The following PLCE1 variants were observed in gnomAD, a reference collection of about 807,000 sequenced individuals.
PLCE1 encodes the protein 1-phosphatidylinositol 4,5-bisphosphate phosphodiesterase epsilon-1.
Under a neutral mutation model 242.8 loss-of-function variants are expected in PLCE1, and 119 were observed. The ratio of observed to expected loss-of-function variants is 0.49; its 90% CI spans 0.42 to 0.57. The LOEUF is 0.57. Ranked by LOEUF, PLCE1 falls within the 20% of genes least tolerant of loss-of-function variation. The pLI, the probability that PLCE1 is intolerant of heterozygous loss-of-function variation, is 0.00. For missense variants in PLCE1, 2,441 were observed against 2,788.8 expected (o/e 0.88, Z 2.81); for synonymous variants, 945 against 1,017.4 (o/e 0.93, Z 1.35).
At chr10:94,089,521 CT>C in intron 2 of PLCE1, 1 of 557,264 alleles carries the variant, frequency 1.8e-6, no homozygotes, top group Non-Finnish European at 2.9e-6. Context: ...AGAGAAGTTT[CT>C]TTCCTTGTTA....
chr10:94,288,443 T>C (rs952550712), intron 22 of PLCE1, among the ~76,000 whole-genome samples: 7 of 152,174 alleles, frequency 4.6e-5, no homozygotes, highest in Admixed American at 2.0e-4. Flanking sequence ...CACTCAAAAG[T>C]GGAGTTGACT....
At chr10:94,235,288 A>G (rs550019012) in intron 6 of PLCE1, among the ~76,000 whole-genome samples, 2 of 152,230 alleles carry the variant, frequency 1.3e-5, no homozygotes, top group African/African-American at 2.4e-5. Context: ...AATGGAGGAG[A>G]AAGCTTAAAG....
chr10:94,088,892 C>T (rs923834187), intron 2 of PLCE1: 12 of 454,584 alleles, frequency 2.6e-5, no homozygotes, highest in South Asian at 1.4e-4. Flanking sequence ...ATTACTAAAA[C>T]GCAAGGACAT....
chr10:94,030,894 A>ATG lies in PLCE1; in HGVS notation c.-153_-152insTG. 1 of 735,314 alleles carries ATG rather than the reference A, an allele frequency of 1.4e-6. No homozygotes were observed. The highest frequency in any genetic ancestry group is 2.4e-6 in the Non-Finnish European group (1 of 424,102). 45.5% of individuals were successfully genotyped at this position (735,314 alleles called of 1,614,324 possible). On this transcript the variant is annotated 5_prime_UTR_variant, in exon 2 of 33. It adds an upstream start codon to the 5' untranslated region. Transcript: ENST00000371380. ...AACTAAGAAAATTTATTTGCCTCTT[A>ATG]ATGCTCCTGAATGAAAGGAATTATC...
At chr10:94,025,059 T>G (rs1463275479) in intron 1 of PLCE1, among the ~76,000 whole-genome samples, 1 of 151,882 alleles carries the variant, frequency 6.6e-6, no homozygotes, top group Non-Finnish European at 1.5e-5. Context: ...GTTTCTATCT[T>G]GTTTTTTTTT....
chr10:94,230,331 A>G (rs2050099966), intron 5 of PLCE1, among the ~76,000 whole-genome samples: 1 of 152,272 alleles, frequency 6.6e-6, no homozygotes, highest in South Asian at 2.1e-4. Flanking sequence ...ATAAAAAACA[A>G]AATTTTTTTT....
chr10:94,155,191 TAAC>T (rs1441853932), intron 3 of PLCE1, among the ~76,000 whole-genome samples: 5 of 152,226 alleles, frequency 3.3e-5, no homozygotes, highest in Admixed American at 1.3e-4. Flanking sequence ...CAAATGCTCG[TAAC>T]AACATTAGTC....
At position 94,212,154 on chromosome 10, in the gene PLCE1, T is replaced by G. The variant is rs56329112; in HGVS notation, c.1810-15152T>G. Among the ~76,000 whole-genome samples, 136 of 152,324 alleles carry G rather than the reference T, an allele frequency of 8.9e-4. 1 individual carries two copies. Among genetic ancestry groups the G allele is most frequent in the African/African-American group, 3.2e-3 (135 of 41,572 alleles). ...GGAGTGCAAGTGCAGTGGCGTGATCTCGGCTCACTGCAACCTCTGCCTCCC... is the reference window on the plus strand; with the variant it reads ...GGAGTGCAAGTGCAGTGGCGTGATCGCGGCTCACTGCAACCTCTGCCTCCC... On this transcript the variant is annotated intron_variant, in intron 4 of 32. Transcript: ENST00000371380.
intron 1 of PLCE1, among the ~76,000 whole-genome samples, 145 bp downstream of exon 1, chr10:93,994,403 A>C (rs1480208523): frequency 6.6e-6 from 1 of 152,062 alleles, no homozygotes; most frequent in Non-Finnish European, 1.5e-5. Flanking sequence ...CTCCCGGGGG[A>C]CCCGAGGCGG....
intron 7 of PLCE1, among the ~76,000 whole-genome samples, chr10:94,240,210 TAAACTC>T (rs1449194722): frequency 2.0e-5 from 3 of 152,218 alleles, no homozygotes; most frequent in African/African-American, 7.2e-5. Context: ...GATACTAACT[TAAACTC>T]AAGCCAGACA....
intron 2 of PLCE1, among the ~76,000 whole-genome samples, chr10:94,050,846 C>T (rs1020779493): frequency 1.3e-5 from 2 of 152,072 alleles, no homozygotes; most frequent in African/African-American, 4.8e-5. Context: ...TTGTTCAATT[C>T]AAAGAGATGA....
At chr10:94,183,575 T>C (rs935177006) in intron 4 of PLCE1, among the ~76,000 whole-genome samples, 3 of 152,192 alleles carry the variant, frequency 2.0e-5, no homozygotes, top group Admixed American at 6.5e-5. Context: ...CAGAGTTTGA[T>C]TGATTTACTC....
At chr10:94,132,793 A>C (rs2046643892) in intron 3 of PLCE1, among the ~76,000 whole-genome samples, 1 of 152,122 alleles carries the variant, frequency 6.6e-6, no homozygotes, top group Non-Finnish European at 1.5e-5. Flanking sequence ...TACTAAAAAT[A>C]CAAAAAGTTA....
At chr10:94,253,425 C>A (rs1341899762) in intron 9 of PLCE1, among the ~76,000 whole-genome samples, 1 of 152,124 alleles carries the variant, frequency 6.6e-6, no homozygotes, top group African/African-American at 2.4e-5. Context: ...GTGATCATGG[C>A]TCACTGCAGC....
intron 23 of PLCE1, among the ~76,000 whole-genome samples, chr10:94,294,909 CTTTTTTTTT>C (rs766555881): frequency 9.9e-6 from 1 of 101,494 alleles, no homozygotes; most frequent in African/African-American, 3.9e-5. Context: ...CATGATAGAA[CTTTTTTTTT>C]TTTTTTTTTT....
chr10:94,113,533 C>A (rs2046020447), intron 2 of PLCE1, among the ~76,000 whole-genome samples: 1 of 152,172 alleles, frequency 6.6e-6, no homozygotes. Flanking sequence ...AAGACAAGAA[C>A]CTTCATAGAA....
intron 19 of PLCE1, among the ~76,000 whole-genome samples, chr10:94,274,159 T>C (rs1354250920): frequency 1.3e-5 from 2 of 151,384 alleles, no homozygotes; most frequent in African/African-American, 4.8e-5. Flanking sequence ...TGGGCCCAGA[T>C]CCGGACAACA....
chr10:94,054,374 A>G (rs919315123), intron 2 of PLCE1, among the ~76,000 whole-genome samples: 2 of 152,218 alleles, frequency 1.3e-5, no homozygotes, highest in Non-Finnish European at 2.9e-5. Context: ...AAAGAAGTGA[A>G]GTACACCATG....
intron 2 of PLCE1, among the ~76,000 whole-genome samples, chr10:94,102,010 A>C (rs2045556479): frequency 6.6e-6 from 1 of 152,090 alleles, no homozygotes; most frequent in Non-Finnish European, 1.5e-5. Context: ...GCCTATTGAG[A>C]AGTGAGATTC....
Sources: allele counts gnomAD v4.1 joint callset (sites outside exome capture counted in the v4.1 genomes callset), GRCh38; gene constraint gnomAD v4.1.1; transcripts MANE v1.5; gene names NCBI Gene and HGNC (gene_info 2026-07-23, HGNC 2026-07-21).